XKR4: variants seen among roughly 807,000 people sequenced by gnomAD.
The protein encoded by XKR4 is XK related 4.
XKR4 carries 12 observed loss-of-function variants against 53.9 expected under a neutral mutation model. The observed-to-expected ratio is 0.22, with a 90% confidence interval of 0.14 to 0.36. The LOEUF (loss-of-function observed/expected upper bound fraction) is 0.36. Ranked by LOEUF, XKR4 falls within the 10% of genes least tolerant of loss-of-function variation. XKR4 has a pLI of 1.00. For synonymous variants in XKR4, 354 were observed against 362.4 expected, an observed-to-expected ratio of 0.98 and a Z score of 0.26; for missense variants, 799 against 859.5, an observed-to-expected ratio of 0.93 and a Z score of 0.88.
At chr8:55,167,140 G>A (rs769355022) in intron 1 of XKR4, among the ~76,000 whole-genome samples, 1 of 152,212 alleles carries the variant, frequency 6.6e-6, no homozygotes, top group African/African-American at 2.4e-5. Flanking sequence ...AGTTGAATTG[G>A]GATGATGCCA....
chr8:55,499,552 G>A (rs1372739641), intron 2 of XKR4, among the ~76,000 whole-genome samples: 2 of 152,162 alleles, frequency 1.3e-5, no homozygotes, highest in Non-Finnish European at 2.9e-5. Flanking sequence ...TTCCAGAAGT[G>A]TGGTCTGTTA....
At chr8:55,192,352 G>A (rs1450234838) in intron 1 of XKR4, among the ~76,000 whole-genome samples, 3 of 151,574 alleles carry the variant, frequency 2.0e-5, no homozygotes, top group Non-Finnish European at 2.9e-5. Flanking sequence ...TTAAAAAAAT[G>A]GCCACACTGA....
At chr8:55,300,762 T>A (rs1245533866) in intron 1 of XKR4, among the ~76,000 whole-genome samples, 1 of 151,584 alleles carries the variant, frequency 6.6e-6, no homozygotes. Flanking sequence ...AAGACAAGAG[T>A]CAGGCAGGAT....
At chr8:55,451,395 G>T in intron 2 of XKR4, 1 of 839,578 alleles carries the variant, frequency 1.2e-6, no homozygotes, top group Non-Finnish European at 2.0e-6. Flanking sequence ...CGCTAAGTGT[G>T]TTGCGTCCGG....
chr8:55,204,214 C>T (rs969922298), intron 1 of XKR4, among the ~76,000 whole-genome samples: 2 of 152,018 alleles, frequency 1.3e-5, no homozygotes, highest in Non-Finnish European at 2.9e-5. Flanking sequence ...CAACGTTGCC[C>T]AGGCTGGTCT....
chr8:55,256,235 G>T (rs1416933693), intron 1 of XKR4, among the ~76,000 whole-genome samples: 1 of 152,056 alleles, frequency 6.6e-6, no homozygotes, highest in Non-Finnish European at 1.5e-5. Flanking sequence ...TGAGACTGAG[G>T]ACTTGGGTCT....
intron 2 of XKR4, among the ~76,000 whole-genome samples, chr8:55,402,982 G>T (rs1272684092): frequency 6.6e-6 from 1 of 152,098 alleles, no homozygotes; most frequent in Non-Finnish European, 1.5e-5. Flanking sequence ...ATCAGAAAGG[G>T]CCAGGAGCAG....
intron 2 of XKR4, among the ~76,000 whole-genome samples, chr8:55,487,991 T>A (rs1337367077): frequency 6.6e-6 from 1 of 152,224 alleles, no homozygotes; most frequent in Non-Finnish European, 1.5e-5. Flanking sequence ...AACTCTGGAA[T>A]TTTAATCATT....
intron 2 of XKR4, chr8:55,454,348 C>T: frequency 6.6e-7 from 1 of 1,508,934 alleles, no homozygotes; most frequent in East Asian, 2.3e-5. Flanking sequence ...CCTCCAGCAG[C>T]TGGGCCGGCA....
intron 2 of XKR4, among the ~76,000 whole-genome samples, chr8:55,461,738 C>T (rs545096461): frequency 3.0e-4 from 46 of 152,238 alleles, no homozygotes; most frequent in African/African-American, 9.1e-4. Flanking sequence ...AAAAATTAGA[C>T]GAATGGATAA....
chr8:55,135,372 T>G (rs115506651), intron 1 of XKR4: 6,076 of 267,868 alleles, frequency 0.023, 91 homozygotes, highest in Middle Eastern at 0.05. Context: ...ATCCTTCTAT[T>G]TAGAGCAGAT....
At chr8:55,349,599 T>C (rs189956514) in intron 1 of XKR4, among the ~76,000 whole-genome samples, 187 of 152,252 alleles carry the variant, frequency 1.2e-3, no homozygotes, top group African/African-American at 4.4e-3. Context: ...GATCAGCGCC[T>C]GAAAAATAAA....
intron 2 of XKR4, among the ~76,000 whole-genome samples, chr8:55,368,539 A>G (rs1418663579): frequency 1.3e-5 from 2 of 152,060 alleles, no homozygotes; most frequent in East Asian, 1.9e-4. Context: ...TCCCTTTCCA[A>G]TCAGGATGGG....
intron 2 of XKR4, among the ~76,000 whole-genome samples, chr8:55,463,844 A>G (rs773316294): frequency 3.3e-5 from 5 of 152,150 alleles, no homozygotes; most frequent in Non-Finnish European, 7.3e-5. Context: ...AATACTATAA[A>G]CACCTCTACA....
At chr8:55,340,525 T>C (rs890033622) in intron 1 of XKR4, among the ~76,000 whole-genome samples, 10 of 152,344 alleles carry the variant, frequency 6.6e-5, no homozygotes, top group African/African-American at 2.4e-4. Context: ...CCTGTTGCAC[T>C]GGCTTCTGCT....
In XKR4 at chr8:55,503,469, C is replaced by T. The variant is rs73595331; in HGVS notation, c.1007-19812C>T. On this transcript the variant is annotated intron_variant, in intron 2 of 2. Coordinates refer to ENST00000327381, the MANE Select transcript of XKR4 (RefSeq NM_052898.2). Reference sequence around the variant, plus strand: ...ATAAATGAAATTTTTTCTTAATTTCCTTTTCATGTTTCCATTACATGTATT... The same window carrying T: ...ATAAATGAAATTTTTTCTTAATTTCTTTTTCATGTTTCCATTACATGTATT... Among the ~76,000 whole-genome samples, 289 of 151,694 alleles carry T rather than the reference C, an allele frequency of 1.9e-3. 2 individuals are homozygous for T. Among genetic ancestry groups the T allele is most frequent in the African/African-American group, 6.6e-3 (272 of 41,360 alleles).
chr8:55,356,919 C>T (rs963133431), intron 1 of XKR4, among the ~76,000 whole-genome samples: 1 of 152,146 alleles, frequency 6.6e-6, no homozygotes, highest in African/African-American at 2.4e-5. Context: ...TCCACTTCAA[C>T]TTAATAGATA....
At chr8:55,451,444 T>A in intron 2 of XKR4, 1 of 1,219,672 alleles carries the variant, frequency 8.2e-7, no homozygotes, top group Non-Finnish European at 1.2e-6. Flanking sequence ...GACAACAGCC[T>A]GCAGGTACTT....
At chr8:55,457,584 C>T (rs1805589396) in intron 2 of XKR4, among the ~76,000 whole-genome samples, 1 of 152,196 alleles carries the variant, frequency 6.6e-6, no homozygotes, top group Non-Finnish European at 1.5e-5. Context: ...AGAAGCAGCA[C>T]TAAAGGAAGA....
Sources: gnomAD v4.1 joint callset for allele counts (sites outside exome capture counted in the v4.1 genomes callset) on GRCh38, gnomAD v4.1.1 for gene constraint, MANE v1.5 for transcripts, NCBI Gene and HGNC (gene_info 2026-07-23, HGNC 2026-07-21) for gene names.